The following PCDH9 variants were observed in gnomAD, a reference collection of about 807,000 sequenced individuals.
PCDH9 encodes protocadherin 9, also known as protocadherin-9.
Under a neutral mutation model 70.6 loss-of-function variants are expected in PCDH9, and 24 were observed. The ratio of observed to expected loss-of-function variants is 0.34; its 90% CI spans 0.25 to 0.48. The LOEUF (loss-of-function observed/expected upper bound fraction) is 0.48, where lower values mean the gene tolerates loss of function less well. Among genes scored for constraint, PCDH9 ranks in the 20% least tolerant of loss-of-function variants. The pLI is 0.99. For missense variants in PCDH9, 1,281 were observed against 1,503.6 expected, an observed-to-expected ratio of 0.85 and a Z score of 2.45; for synonymous variants, 562 against 558.5, an observed-to-expected ratio of 1.01 and a Z score of -0.09.
chr13:67,154,439 C>T (rs973120099), intron 2 of PCDH9, among the ~76,000 whole-genome samples: 14 of 151,466 alleles, frequency 9.2e-5, no homozygotes, highest in Admixed American at 4.6e-4. Flanking sequence ...TAGCTGGGCA[C>T]GGCGGTAAGT....
At chr13:66,940,708 A>G (rs1033073683) in intron 2 of PCDH9, among the ~76,000 whole-genome samples, 1 of 152,060 alleles carries the variant, frequency 6.6e-6, no homozygotes, top group Non-Finnish European at 1.5e-5. Flanking sequence ...ATAATTACCA[A>G]TTAGTAAAAA....
At position 67,050,904 on chromosome 13, in the gene PCDH9, T is replaced by C. The variant is rs149030858; in HGVS notation, c.3037-147299A>G. Among the ~76,000 whole-genome samples the C allele has an allele frequency of 1.1e-3, 160 of 152,298 alleles. 1 individual carries two copies. Among genetic ancestry groups the C allele is most frequent in the African/African-American group, 3.7e-3 (154 of 41,568 alleles). On this transcript the variant is annotated intron_variant, in intron 2 of 4. Transcript: ENST00000377865. ...GTATTGATTCAATATCACCCTACTG[T>C]CTATTTTAATTGAAATCTTCAGCAT... is the stretch of plus-strand genomic sequence containing the variant.
intron 3 of PCDH9, among the ~76,000 whole-genome samples, chr13:66,776,810 C>T (rs2079902081): frequency 7.0e-6 from 1 of 142,998 alleles, no homozygotes; most frequent in African/African-American, 2.6e-5. Flanking sequence ...AAAAAAGAGC[C>T]CGCATCACCA....
chr13:66,959,008 G>T (rs868408060), intron 2 of PCDH9, among the ~76,000 whole-genome samples: 4 of 152,166 alleles, frequency 2.6e-5, no homozygotes, highest in Middle Eastern at 6.8e-3. Context: ...TAGTACTTCA[G>T]TTTTAAATAA....
intron 2 of PCDH9, among the ~76,000 whole-genome samples, chr13:67,027,219 AT>A (rs1282872438): frequency 1.1e-4 from 17 of 152,264 alleles, no homozygotes; most frequent in African/African-American, 3.8e-4. Flanking sequence ...AAACAGAGAT[AT>A]AGATCAACGG....
chr13:66,848,477 ATAATT>A (rs2081251019), intron 3 of PCDH9, among the ~76,000 whole-genome samples: 1 of 152,216 alleles, frequency 6.6e-6, no homozygotes, highest in African/African-American at 2.4e-5. Flanking sequence ...CCTGAGTAGT[ATAATT>A]TAATTGGTTT....
intron 2 of PCDH9, among the ~76,000 whole-genome samples, chr13:67,005,361 G>A (rs1001438911): frequency 2.6e-5 from 4 of 152,046 alleles, no homozygotes; most frequent in African/African-American, 9.7e-5. Flanking sequence ...GAAGATTTAG[G>A]TAAGTTTGCT....
At chr13:67,082,510 T>C (rs2086005750) in intron 2 of PCDH9, among the ~76,000 whole-genome samples, 1 of 152,226 alleles carries the variant, frequency 6.6e-6, no homozygotes, top group Non-Finnish European at 1.5e-5. Flanking sequence ...ATTGCTTCCA[T>C]GTCCTGTCTA....
chr13:66,892,016 T>C (rs917754403), intron 3 of PCDH9, among the ~76,000 whole-genome samples: 2 of 151,832 alleles, frequency 1.3e-5, no homozygotes, highest in Non-Finnish European at 2.9e-5. Flanking sequence ...AAATAAATGA[T>C]GTGGCCTATT....
At chr13:66,355,444 C>G (rs1395761618) in intron 4 of PCDH9, among the ~76,000 whole-genome samples, 1 of 151,844 alleles carries the variant, frequency 6.6e-6, no homozygotes, top group Admixed American at 6.6e-5. Context: ...AGTGTCATGT[C>G]TTTTGTTTTT....
chr13:67,217,937 T>C (rs2089644487), intron 2 of PCDH9: 1 of 152,088 alleles, frequency 6.6e-6, no homozygotes, highest in Admixed American at 6.6e-5. Flanking sequence ...GTAAGGCATG[T>C]ATTTGAGATT....
intron 4 of PCDH9, among the ~76,000 whole-genome samples, chr13:66,394,668 A>G (rs990872907): frequency 2.0e-5 from 3 of 152,210 alleles, no homozygotes; most frequent in Non-Finnish European, 2.9e-5. Context: ...TACAATGTCA[A>G]CTGCCCTCTT....
rs756658800 is a variant in PCDH9, at chr13:67,225,819, CCTTTTCTTT to C, written c.2613_2621del (p.Lys873_Lys875del). ...TCAAAAGAGAGCTTTTGGGAGACTT[CCTTTTCTTT>C]CTTTTCTTTTTCTTGTTTTGCTTGT... On this transcript the variant is annotated inframe_deletion, in exon 2 of 5. Transcript: ENST00000377865. 2.5e-6 allele frequency: 4 copies of C among 1,614,094 alleles called. No individual in the cohort carries two copies. The South Asian group carries it at 4.4e-5, about 18-fold the overall frequency.
chr13:66,781,400 G>T lies in PCDH9; in HGVS notation c.3138+122104C>A, dbSNP rs923338603. Among the ~76,000 whole-genome samples, 3 of 152,128 alleles carry T rather than the reference G, an allele frequency of 2.0e-5. No individual in the cohort carries two copies. In the South Asian group the frequency reaches 6.2e-4, roughly 32 times the overall value. ...ACAGATGGGTTTATTTCACAAATGC[G>T]CTATGCTGCACAGATGGAAGTTCCT... On this transcript the variant is annotated intron_variant, in intron 3 of 4. Coordinates refer to ENST00000377865, the MANE Select transcript of PCDH9 (RefSeq NM_203487.3).
At chr13:66,495,855 C>A (rs1226090696) in intron 4 of PCDH9, among the ~76,000 whole-genome samples, 1 of 152,134 alleles carries the variant, frequency 6.6e-6, no homozygotes, top group Non-Finnish European at 1.5e-5. Flanking sequence ...GTGCCCAAAT[C>A]GTGACTCTGC....
chr13:66,530,413 G>C (rs1300491859), intron 4 of PCDH9, among the ~76,000 whole-genome samples: 1 of 152,036 alleles, frequency 6.6e-6, no homozygotes, highest in African/African-American at 2.4e-5. Context: ...AACTCATTGA[G>C]ATAAATTATG....
intron 4 of PCDH9, among the ~76,000 whole-genome samples, chr13:66,306,462 A>G (rs533141453): frequency 2.6e-5 from 4 of 151,548 alleles, no homozygotes; most frequent in South Asian, 4.2e-4. Flanking sequence ...TGATGGGTGC[A>G]CTAAAATCTC....
chr13:67,160,023 C>G (rs1330583473), intron 2 of PCDH9, among the ~76,000 whole-genome samples: 1 of 152,106 alleles, frequency 6.6e-6, no homozygotes, highest in Non-Finnish European at 1.5e-5. Flanking sequence ...TCAAAGAACT[C>G]CAGCTCAGCG....
At chr13:66,697,293 A>G (rs1268597749) in intron 3 of PCDH9, among the ~76,000 whole-genome samples, 1 of 152,066 alleles carries the variant, frequency 6.6e-6, no homozygotes, top group Non-Finnish European at 1.5e-5. Flanking sequence ...CCCCCAAAAA[A>G]TATTGCAGTT....
Sources: allele counts gnomAD v4.1 joint callset (sites outside exome capture counted in the v4.1 genomes callset), GRCh38; gene constraint gnomAD v4.1.1; transcripts MANE v1.5; gene names NCBI Gene and HGNC (gene_info 2026-07-23, HGNC 2026-07-21).